Variants in CSMD3 observed in about 807,000 individuals in gnomAD.
CSMD3 encodes the protein CUB and sushi domain-containing protein 3.
Under a neutral mutation model 435.2 loss-of-function variants are expected in CSMD3, and 177 were observed. The observed-to-expected ratio is 0.41, with a 90% CI of 0.36 to 0.46. The LOEUF is 0.46. CSMD3 is among the 20% of genes least tolerant of loss of function. The pLI is 0.34. For synonymous variants in CSMD3, 1,656 were observed against 1,520.5 expected (o/e 1.09, Z -2.07); for missense variants, 4,265 against 4,504.6 (o/e 0.95, Z 1.52).
chr8:113,196,026 G>A (rs545350251), intron 3 of CSMD3, among the ~76,000 whole-genome samples: 1 of 150,590 alleles, frequency 6.6e-6, no homozygotes, highest in East Asian at 2.0e-4. Context: ...TAATTTATTA[G>A]GAAATGTCAT....
chr8:112,245,571 T>C (rs1264970490), intron 64 of CSMD3, among the ~76,000 whole-genome samples: 1 of 152,186 alleles, frequency 6.6e-6, no homozygotes, highest in African/African-American at 2.4e-5. Context: ...AGAGTTTCAC[T>C]CCGCTGCCCA....
At chr8:112,297,090 T>C (rs1014536741) in intron 53 of CSMD3, among the ~76,000 whole-genome samples, 7 of 149,694 alleles carry the variant, frequency 4.7e-5, no homozygotes, top group Admixed American at 3.3e-4. Flanking sequence ...TGTGAATTCT[T>C]AAACAAAAAC....
intron 13 of CSMD3, among the ~76,000 whole-genome samples, chr8:112,736,772 C>A (rs2132036383): frequency 6.6e-6 from 1 of 151,882 alleles, no homozygotes. Context: ...GTAATAAATC[C>A]TGATGAATAA....
chr8:113,051,360 A>G (rs1346847639), intron 5 of CSMD3, among the ~76,000 whole-genome samples: 2 of 152,120 alleles, frequency 1.3e-5, no homozygotes, highest in Non-Finnish European at 2.9e-5. Context: ...CTCCAAAATT[A>G]ATACTTTGGG....
chr8:112,757,500 T>C (rs2077727393), intron 13 of CSMD3, among the ~76,000 whole-genome samples: 1 of 152,096 alleles, frequency 6.6e-6, no homozygotes, highest in Non-Finnish European at 1.5e-5. Context: ...CAAACAAATA[T>C]AGTAACAGAA....
chr8:112,474,843 G>A (rs1442842136), intron 31 of CSMD3, among the ~76,000 whole-genome samples: 2 of 152,156 alleles, frequency 1.3e-5, no homozygotes, highest in Admixed American at 6.6e-5. Context: ...TTTCTTTAAT[G>A]TTCTATAAAA....
intron 28 of CSMD3, 27 bp downstream of exon 28, chr8:112,517,007 A>C (rs918754611): frequency 1.3e-6 from 2 of 1,570,064 alleles, no homozygotes; most frequent in East Asian, 2.2e-5. Flanking sequence ...TGTTTATATA[A>C]AATTTTAATT....
rs766713536 is a variant in CSMD3, at chr8:112,291,527, G to T, written c.8957C>A (p.Pro2986His). ...ICQPNGQWDK[P>H]LPECIMIDCG... ...CTACTTACTGATACATTCTGGTAAAGGTTTGTCCCATTGTCCATTTGGTTG... is the reference window on the plus strand; with the variant it reads ...CTACTTACTGATACATTCTGGTAAATGTTTGTCCCATTGTCCATTTGGTTG... The change falls in exon 56 of 71, where the codon CCT (proline) becomes CAT (histidine). Residue 2986 changes from proline to histidine, a missense_variant. By Grantham distance (77) the Pro-to-His change is moderately conservative. Transcript: ENST00000297405. 62 of 1,607,352 alleles carry T rather than the reference G, an allele frequency of 3.9e-5. No individual in the cohort carries two copies. The highest frequency in any genetic ancestry group is 4.9e-5 in the Non-Finnish European group (57 of 1,174,660).
At chr8:112,843,468 A>G (rs987736687) in intron 11 of CSMD3, among the ~76,000 whole-genome samples, 3 of 151,952 alleles carry the variant, frequency 2.0e-5, no homozygotes, top group South Asian at 2.1e-4. Flanking sequence ...AGCTGTGACT[A>G]TATTACCAGA....
At chr8:112,293,649 C>A (rs1250427131) in intron 54 of CSMD3, among the ~76,000 whole-genome samples, 1 of 152,028 alleles carries the variant, frequency 6.6e-6, no homozygotes, top group Non-Finnish European at 1.5e-5. Context: ...TAATTAGGTT[C>A]TTTTAATGCT....
chr8:113,018,768 T>C, intron 6 of CSMD3: 1 of 355,956 alleles, frequency 2.8e-6, no homozygotes, highest in South Asian at 3.4e-5. Context: ...GCGGTACAAC[T>C]TCAGATAGTA....
chr8:112,594,468 C>T (rs1004780261), intron 22 of CSMD3, among the ~76,000 whole-genome samples: 3 of 152,190 alleles, frequency 2.0e-5, no homozygotes, highest in African/African-American at 7.2e-5. Flanking sequence ...CCCAGGCTTG[C>T]TTAGGTAAAC....
chr8:112,422,060 G>T (rs938993241), intron 32 of CSMD3, among the ~76,000 whole-genome samples: 1 of 152,066 alleles, frequency 6.6e-6, no homozygotes, highest in Non-Finnish European at 1.5e-5. Context: ...TGGTCTCTTA[G>T]CCATTATCCT....
At chr8:112,763,938 A>C (rs2077910843) in intron 13 of CSMD3, among the ~76,000 whole-genome samples, 1 of 151,134 alleles carries the variant, frequency 6.6e-6, no homozygotes, top group African/African-American at 2.4e-5. Context: ...ATTCCAATTA[A>C]GCCTTTTCTT....
chr8:112,227,968 G>A (rs1257444511), intron 70 of CSMD3, among the ~76,000 whole-genome samples: 2 of 152,004 alleles, frequency 1.3e-5, no homozygotes, highest in Non-Finnish European at 2.9e-5. Flanking sequence ...CGTGAACCTG[G>A]GAGGCAGATG....
chr8:112,988,849 T>C (rs913962451), intron 6 of CSMD3, among the ~76,000 whole-genome samples: 3 of 152,070 alleles, frequency 2.0e-5, no homozygotes, highest in African/African-American at 7.2e-5. Context: ...TATTGATCAT[T>C]ATTTAATGCA....
At chr8:112,303,383 C>T (rs1821113802) in intron 52 of CSMD3, among the ~76,000 whole-genome samples, 2 of 151,914 alleles carry the variant, frequency 1.3e-5, no homozygotes, top group South Asian at 4.1e-4. Context: ...TGGTGAAACC[C>T]CAACTCTACC....
intron 13 of CSMD3, among the ~76,000 whole-genome samples, chr8:112,736,690 A>G (rs971743823): frequency 2.6e-5 from 4 of 152,000 alleles, no homozygotes; most frequent in East Asian, 3.9e-4. Flanking sequence ...TTGTGTATTT[A>G]TCTTTCCTGC....
At chr8:112,696,130 G>A (rs984345026) in intron 13 of CSMD3, among the ~76,000 whole-genome samples, 3 of 152,108 alleles carry the variant, frequency 2.0e-5, no homozygotes, top group South Asian at 4.1e-4. Context: ...AATCAGTATC[G>A]TGAAAATGGC....
Sources: gnomAD v4.1 joint callset for allele counts (sites outside exome capture counted in the v4.1 genomes callset) on GRCh38, gnomAD v4.1.1 for gene constraint, MANE v1.5 for transcripts, NCBI Gene and HGNC (gene_info 2026-07-23, HGNC 2026-07-21) for gene names.